ATAD5: variants seen among roughly 807,000 people sequenced by gnomAD.
The protein encoded by ATAD5 is ATPase family AAA domain containing 5.
A neutral mutation model predicts 176.9 loss-of-function variants in ATAD5; 58 were observed. The observed-to-expected ratio is 0.33, with a 90% CI of 0.27 to 0.41. The LOEUF is 0.41. Among genes scored for constraint, ATAD5 ranks in the 10% least tolerant of loss-of-function variants. ATAD5 has a pLI of 1.00. For missense variants in ATAD5, 1,789 were observed against 2,094.1 expected (o/e 0.85, Z 2.84); for synonymous variants, 640 against 712.6 (o/e 0.90, Z 1.62).
rs545755507 is a variant in ATAD5 at position 30,858,652 on chromosome 17, C to T, written c.2956+329C>T. Reference sequence around the variant, plus strand: ...CCATCTACCTCAGCCCCCCAAAATGCTGGGATTACAGGCATGAGCCACTGC... The same window carrying T: ...CCATCTACCTCAGCCCCCCAAAATGTTGGGATTACAGGCATGAGCCACTGC... On this transcript the variant is annotated intron_variant, in intron 9 of 22. Transcript: ENST00000321990. Among the ~76,000 whole-genome samples the T allele has an allele frequency of 2.0e-3, 299 of 152,164 alleles. 1 individual carries two copies. Among genetic ancestry groups the T allele is most frequent in the African/African-American group, 6.8e-3 (283 of 41,540 alleles).
intron 14 of ATAD5, among the ~76,000 whole-genome samples, chr17:30,871,553 T>C (rs1483183498): frequency 2.0e-5 from 3 of 152,042 alleles, no homozygotes; most frequent in Non-Finnish European, 4.4e-5. Context: ...TTTGACCATA[T>C]TGGCCAGGCT....
chr17:30,893,132 A>G (rs1292484409), intron 20 of ATAD5, among the ~76,000 whole-genome samples, 162 bp from the exon 21 acceptor site: 1 of 152,190 alleles, frequency 6.6e-6, no homozygotes, highest in Non-Finnish European at 1.5e-5. Context: ...ATTTTTAGAC[A>G]TAGTACTATT....
At chr17:30,877,893 C>T (rs1362338435) in intron 16 of ATAD5, 110 bp from the exon 17 acceptor site, 1 of 761,410 alleles carries the variant, frequency 1.3e-6, no homozygotes, top group African/African-American at 1.8e-5. Context: ...GCTGAATTCA[C>T]ACTTCATAAA....
intron 3 of ATAD5, among the ~76,000 whole-genome samples, chr17:30,838,543 T>C (rs1036515350): frequency 2.0e-5 from 3 of 152,220 alleles, no homozygotes; most frequent in Non-Finnish European, 2.9e-5. Context: ...CCTAGAGTTA[T>C]ACAACTACAA....
chr17:30,893,793 A>G lies in ATAD5; in HGVS notation c.4940A>G (p.Asn1647Ser). Residue 1647 changes from asparagine (N) to serine (S), a missense_variant, in exon 21 of 23, where the codon AAT becomes AGT. Transcript: ENST00000321990. Reference sequence around the variant, plus strand: ...TCTGCCCTTGTTTCTCATTGTTTAAATTCTCTCTCTGAGTTCATGGATAAC... The same window carrying G: ...TCTGCCCTTGTTTCTCATTGTTTAAGTTCTCTCTCTGAGTTCATGGATAAC... ...KCSALVSHCL[N>S]SLSEFMDNMS... is the part of the protein sequence containing the mutation. The G allele has an allele frequency of 6.2e-7, 1 of 1,614,104 alleles. No individual in the cohort carries two copies. Among genetic ancestry groups the G allele is most frequent in the Non-Finnish European group, 8.5e-7 (1 of 1,179,962 alleles).
chr17:30,837,178 GT>G, intron 2 of ATAD5, 27 bp from the exon 3 acceptor site: 1 of 1,238,010 alleles, frequency 8.1e-7, no homozygotes, highest in Non-Finnish European at 1.1e-6. Context: ...TCATGAAAAT[GT>G]TTCTGAATAC....
chr17:30,888,394 A>G (rs987595545), intron 19 of ATAD5, among the ~76,000 whole-genome samples: 1 of 151,940 alleles, frequency 6.6e-6, no homozygotes, highest in African/African-American at 2.4e-5. Flanking sequence ...TCTACAAAAA[A>G]TTGGCTGGGC....
At chr17:30,858,815 G>C (rs1907448739) in intron 9 of ATAD5, among the ~76,000 whole-genome samples, 1 of 152,138 alleles carries the variant, frequency 6.6e-6, no homozygotes, top group Non-Finnish European at 1.5e-5. Flanking sequence ...TGAGTAGCTG[G>C]GACCACAGGC....
intron 19 of ATAD5, among the ~76,000 whole-genome samples, chr17:30,889,077 T>A (rs1597999574): frequency 6.8e-6 from 1 of 147,912 alleles, no homozygotes. Context: ...AAAAAAAAAA[T>A]TAAAAAACAC....
rs1248212142 is a variant in ATAD5, at chr17:30,894,915, G to A, written c.*2G>A. 1.9e-6 allele frequency: 3 copies of A among 1,582,212 alleles called. No individual in the cohort carries two copies. In the African/African-American group the frequency reaches 4.1e-5, roughly 22 times the overall value. On this transcript the variant is annotated 3_prime_UTR_variant, in exon 23 of 23. Transcript: ENST00000321990. ...ACTTTGGCAGCTGACTTCCCTTAAT[G>A]TTCCATACTAACAATGCTTTGTATA...
intron 6 of ATAD5, among the ~76,000 whole-genome samples, chr17:30,852,098 A>T (rs1013395390): frequency 1.3e-5 from 2 of 152,148 alleles, no homozygotes; most frequent in Admixed American, 1.3e-4. Context: ...TATTGCAGTC[A>T]TTCTTTCTTT....
intron 4 of ATAD5, 75 bp downstream of exon 4, chr17:30,840,856 T>C (rs1347830673): frequency 7.0e-7 from 1 of 1,419,840 alleles, no homozygotes; most frequent in East Asian, 2.4e-5. Context: ...GAAACCATTA[T>C]AAAGTTATAA....
rs999797 is a variant in ATAD5, at chr17:30,832,311, G to A, written c.-37G>A. 0.11 allele frequency: 168,389 copies of A among 1,490,696 alleles called. 10,660 individuals are homozygous for A. The highest frequency in any genetic ancestry group is 0.23 in the South Asian group (16,684 of 73,008). The allele number at this position is 1,490,696 out of a possible 1,614,324, so 92.3% of individuals were successfully genotyped here. A position where few individuals can be genotyped will look rare whatever the true frequency, so the allele number is the denominator to read the frequency against. On this transcript the variant is annotated 5_prime_UTR_variant, in exon 1 of 23. Transcript: ENST00000321990. ...CCAGGCAGGCCGGGCTGGACCGCGT[G>A]AGGTCCTAGGAGACGGGATTCCGGG... is the stretch of plus-strand genomic sequence containing the variant.
In ATAD5 at chr17:30,893,648, T is replaced by C. The variant is rs754108491; in HGVS notation, c.4795T>C (p.Ser1599Pro). 6.2e-7 allele frequency: 1 copy of C among 1,613,684 alleles called. No individual in the cohort carries two copies. Among genetic ancestry groups the C allele is most frequent in the Admixed American group, 1.7e-5 (1 of 59,944 alleles). The change falls in exon 21 of 23, where the codon TCA becomes CCA. Residue 1599 changes from serine (S) to proline (P), a missense_variant. Coordinates refer to ENST00000321990, the MANE Select transcript of ATAD5 (RefSeq NM_024857.5). ...TAGCCTGTCCTCTGTATCATCTTCC[T>C]CAAATGCAGAAGAAAGCAAAACCGG... ...SISLSSVSSS[S>P]NAEESKTGDE...
chr17:30,835,394 G>A lies in ATAD5; in HGVS notation c.1313G>A (p.Gly438Glu), dbSNP rs1234477025. 1 of 1,610,096 alleles carries A rather than the reference G, an allele frequency of 6.2e-7. No homozygotes were observed. ...AATGAAAAATGTCTATATGAAGTAG[G>A]AAGAGATGATAATTCTAAAAAAATC... is the stretch of plus-strand genomic sequence containing the variant. Reference protein sequence around the residue: ...DLNEKCLYEVGRDDNSKKIME... With the variant: ...DLNEKCLYEVERDDNSKKIME... Residue 438 changes from glycine to glutamate, a missense_variant, in exon 2 of 23, where the codon GGA becomes GAA. Coordinates refer to ENST00000321990, the MANE Select transcript of ATAD5 (RefSeq NM_024857.5).
chr17:30,837,217 C>G lies in ATAD5; in HGVS notation c.1979C>G (p.Thr660Ser), dbSNP rs1905800831. 1 of 1,519,006 alleles carries G rather than the reference C, an allele frequency of 6.6e-7. No homozygotes were observed. Among genetic ancestry groups the G allele is most frequent in the African/African-American group, 1.4e-5 (1 of 70,780 alleles). 94.1% of individuals were successfully genotyped at this position (1,519,006 alleles called of 1,614,324 possible). Residue 660 changes from threonine (T) to serine (S), a missense_variant, in exon 3 of 23, where the codon ACC (threonine) becomes AGC (serine). Thr to Ser is a moderately conservative substitution (Grantham distance 58). This residue lies in a region of ATAD5 where 487 missense variants were observed against 573.6 expected (regional missense o/e 0.85). Transcript: ENST00000321990. ...TATTTTTATTTCAGAATGAAATTCACCAGAATTAGTACTCCCAAAAAATCT... is the reference window on the plus strand; with the variant it reads ...TATTTTTATTTCAGAATGAAATTCAGCAGAATTAGTACTCCCAAAAAATCT... ...DSESPIRMKF[T>S]RISTPKKSKK...
At chr17:30,849,018 A>G (rs2142339609) in intron 6 of ATAD5, among the ~76,000 whole-genome samples, 1 of 152,168 alleles carries the variant, frequency 6.6e-6, no homozygotes, top group Middle Eastern at 3.4e-3. Flanking sequence ...CGACAGGCCT[A>G]CGCCACCATG....
At position 30,893,856 on chromosome 17, in the gene ATAD5, A is replaced by T. The variant is rs1176630700; in HGVS notation, c.5003A>T (p.Glu1668Val). 2 of 1,613,864 alleles carry T rather than the reference A, an allele frequency of 1.2e-6. No individual in the cohort carries two copies. Among genetic ancestry groups the T allele is most frequent in the African/African-American group, 2.7e-5 (2 of 74,942 alleles). ...GATGCACTTTTAACTGATGTAAGGGAACAAAACAAATACGGTAGAAATGAC... is the reference window on the plus strand; with the variant it reads ...GATGCACTTTTAACTGATGTAAGGGTACAAAACAAATACGGTAGAAATGAC... ...FLDALLTDVR[E>V]QNKYGRNDFS... The change falls in exon 21 of 23, where the codon GAA (glutamate) becomes GTA (valine). Residue 1668 changes from glutamate to valine, a missense_variant. This residue lies in a region of ATAD5 where 403 missense variants were observed against 495.1 expected (regional missense o/e 0.81). Transcript: ENST00000321990.
In ATAD5 at chr17:30,892,613, A is replaced by G. The variant is rs773515432; in HGVS notation, c.4265A>G (p.Asn1422Ser). The G allele has an allele frequency of 1.3e-6, 2 of 1,544,870 alleles. No homozygotes were observed. The highest frequency in any genetic ancestry group is 1.4e-5 in the African/African-American group (1 of 71,474). Residue 1422 changes from asparagine to serine, a missense_variant, in exon 20 of 23, where the codon AAT becomes AGT. Transcript: ENST00000321990. ...ATTTTCTTTTATTTTGTAGGTGGAA[A>G]TAGCAGAAATGTACAACTAGTTTGC... ...EERPLTLYRG[N>S]SRNVQLVCSE...
Sources: allele counts gnomAD v4.1 joint callset (sites outside exome capture counted in the v4.1 genomes callset), GRCh38; gene constraint gnomAD v4.1.1; regional missense constraint gnomAD v4.1.1; transcripts MANE v1.5; gene names NCBI Gene and HGNC (gene_info 2026-07-23, HGNC 2026-07-21).